The following PDE1C variants were observed in gnomAD, a reference collection of about 807,000 sequenced individuals.
The protein encoded by PDE1C is phosphodiesterase 1C, also known as dual specificity calcium/calmodulin-dependent 3',5'-cyclic nucleotide phosphodiesterase 1C.
Under a neutral mutation model 93.1 loss-of-function variants are expected in PDE1C, and 62 were observed. That is an observed-to-expected ratio of 0.67 (90% CI 0.54 to 0.82). PDE1C has a LOEUF of 0.82. PDE1C is among the 40% of genes least tolerant of loss of function. PDE1C has a pLI of 0.00. For synonymous variants in PDE1C, 325 were observed against 310.1 expected (o/e 1.05, Z -0.50); for missense variants, 742 against 884.6 (o/e 0.84, Z 2.04).
intron 1 of PDE1C, among the ~76,000 whole-genome samples, chr7:32,393,926 G>A (rs529195724): frequency 5.4e-4 from 82 of 152,076 alleles, no homozygotes; most frequent in Non-Finnish European, 9.4e-4. Flanking sequence ...TGTTTTATGA[G>A]CTATTTTCCC....
At chr7:31,878,070 A>G in intron 4 of PDE1C, 34 bp from the exon 5 acceptor site, 3 of 1,478,800 alleles carry the variant, frequency 2.0e-6, no homozygotes, top group Non-Finnish European at 2.8e-6. Flanking sequence ...GCAACATGAT[A>G]TCTTATAAAG....
chr7:31,863,282 G>C (rs141687233), intron 7 of PDE1C, among the ~76,000 whole-genome samples: 12 of 152,248 alleles, frequency 7.9e-5, no homozygotes, highest in African/African-American at 2.6e-4. Flanking sequence ...GTGCATAGGA[G>C]AGCTCTTTTG....
At chr7:32,291,620 A>G (rs1449804708) in intron 1 of PDE1C, among the ~76,000 whole-genome samples, 2 of 152,246 alleles carry the variant, frequency 1.3e-5, no homozygotes, top group East Asian at 3.9e-4. Flanking sequence ...TGCTGTATAC[A>G]CAAAGCCTAG....
intron 16 of PDE1C, chr7:31,786,003 C>A (rs1783893302): frequency 6.6e-6 from 1 of 152,164 alleles, no homozygotes; most frequent in South Asian, 2.1e-4. Context: ...TCCATTTGTT[C>A]ATGCATAAGA....
chr7:32,183,200 A>G (rs1477988619), intron 2 of PDE1C, among the ~76,000 whole-genome samples: 1 of 152,332 alleles, frequency 6.6e-6, no homozygotes, highest in South Asian at 2.1e-4. Context: ...AGGAAGAATC[A>G]ATATCATGAA....
the PDE1C span, among the ~76,000 whole-genome samples, chr7:31,671,533 AC>A: frequency 4.6e-5 from 7 of 152,166 alleles, no homozygotes; most frequent in East Asian, 1.2e-3. Flanking sequence ...TGATAGGTCC[AC>A]TAGCTCTCAG....
At chr7:31,730,544 A>G in the PDE1C span, among the ~76,000 whole-genome samples, 1 of 152,244 alleles carries the variant, frequency 6.6e-6, no homozygotes, top group African/African-American at 2.4e-5. Flanking sequence ...AGTATGGGAA[A>G]GAAAAGCAGG....
At chr7:32,383,320 G>A (rs1320788797) in intron 1 of PDE1C, among the ~76,000 whole-genome samples, 2 of 152,206 alleles carry the variant, frequency 1.3e-5, no homozygotes, top group Non-Finnish European at 1.5e-5. Flanking sequence ...CCCAGTGATA[G>A]AGCCCTGAAC....
chr7:31,826,671 G>A (rs1370661515), intron 12 of PDE1C, among the ~76,000 whole-genome samples: 1 of 152,130 alleles, frequency 6.6e-6, no homozygotes, highest in East Asian at 1.9e-4. Flanking sequence ...CTCTTCTGGA[G>A]AGGCCCCGTT....
rs71559204 is a variant in PDE1C, at chr7:31,794,089, C to CAGATAGATAGAT, written c.1891+14941_1891+14942insATCTATCTATCT. 1.5e-4 allele frequency among the ~76,000 whole-genome samples: 20 copies of CAGATAGATAGAT among 136,146 alleles called. 1 individual carries two copies. The highest frequency in any genetic ancestry group is 4.8e-4 in the African/African-American group (16 of 33,174). The allele number at this position is 136,146 out of a possible 152,430, so 89.3% of individuals were successfully genotyped here. On this transcript the variant is annotated intron_variant, in intron 16 of 17. Coordinates refer to ENST00000396191, the MANE Select transcript of PDE1C (RefSeq NM_001191057.4). The stretch of plus-strand genomic sequence containing the variant: ...ACAGACAGACAGACAGACAGACAGA[C>CAGATAGATAGAT]AGATAGATAGACAGATAGATGGGCA...
chr7:31,970,914 G>A (rs574398273), intron 2 of PDE1C, among the ~76,000 whole-genome samples: 1 of 152,106 alleles, frequency 6.6e-6, no homozygotes, highest in Non-Finnish European at 1.5e-5. Context: ...AAGCTGAGGT[G>A]GGAGGATCAC....
chr7:31,708,566 T>C, the PDE1C span: 2 of 152,228 alleles, frequency 1.3e-5, no homozygotes, highest in Non-Finnish European at 2.9e-5. Flanking sequence ...ACTTTTGTTT[T>C]TGTTAGGCCT....
At chr7:31,951,528 T>C (rs923879885) in intron 2 of PDE1C, among the ~76,000 whole-genome samples, 2 of 152,160 alleles carry the variant, frequency 1.3e-5, no homozygotes, top group African/African-American at 2.4e-5. Flanking sequence ...AAAAGAGAGA[T>C]GGTGAAGCTA....
chr7:31,703,157 C>G, the PDE1C span, among the ~76,000 whole-genome samples: 2 of 152,244 alleles, frequency 1.3e-5, no homozygotes, highest in Admixed American at 1.3e-4. Flanking sequence ...CTTGGCAGAG[C>G]TCTTGGCTAT....
At position 31,859,674 on chromosome 7, in the gene PDE1C, A is replaced by T. The variant is rs562609349; in HGVS notation, c.750+5268T>A. Among the ~76,000 whole-genome samples, 10 of 152,094 alleles carry T rather than the reference A, an allele frequency of 6.6e-5. 1 individual carries two copies. The South Asian group carries it at 1.2e-3, about 19-fold the overall frequency. On this transcript the variant is annotated intron_variant, in intron 7 of 17. Coordinates refer to ENST00000396191, the MANE Select transcript of PDE1C (RefSeq NM_001191057.4). ...ATAAGATGATCCCACTACTGGGATGACCCACTAGTGTTAACAAACAAAAAC... is the reference window on the plus strand; with the variant it reads ...ATAAGATGATCCCACTACTGGGATGTCCCACTAGTGTTAACAAACAAAAAC...
At chr7:32,262,005 A>ATTTTT (rs11325736) in intron 1 of PDE1C, among the ~76,000 whole-genome samples, 8 of 89,778 alleles carry the variant, frequency 8.9e-5, no homozygotes, top group Non-Finnish European at 1.5e-4. Context: ...TTGCTTTGGG[A>ATTTTT]TTTTTTTTTT....
chr7:31,688,128 C>T, the PDE1C span, among the ~76,000 whole-genome samples: 3 of 152,138 alleles, frequency 2.0e-5, no homozygotes, highest in East Asian at 1.9e-4. Flanking sequence ...CTCACACTCA[C>T]GAAAATATCA....
At chr7:31,945,525 T>C (rs997464058) in intron 2 of PDE1C, among the ~76,000 whole-genome samples, 1 of 152,088 alleles carries the variant, frequency 6.6e-6, no homozygotes, top group African/African-American at 2.4e-5. Context: ...TTCTTTTTCT[T>C]TCAATACTTC....
intron 2 of PDE1C, among the ~76,000 whole-genome samples, chr7:32,206,428 G>A (rs1387595668): frequency 6.6e-6 from 1 of 152,154 alleles, no homozygotes; most frequent in Non-Finnish European, 1.5e-5. Context: ...CATGTCTAGA[G>A]AGGAGGGTTT....
Sources: allele counts gnomAD v4.1 joint callset (sites outside exome capture counted in the v4.1 genomes callset), GRCh38; gene constraint gnomAD v4.1.1; transcripts MANE v1.5; gene names NCBI Gene and HGNC (gene_info 2026-07-23, HGNC 2026-07-21).